MAP2K5: variants seen among roughly 807,000 people sequenced by gnomAD.
MAP2K5 encodes dual specificity mitogen-activated protein kinase kinase 5.
MAP2K5 carries 49 observed loss-of-function variants against 83.1 expected under a neutral mutation model. That is an observed-to-expected ratio of 0.59 (90% CI 0.47 to 0.75). The LOEUF (loss-of-function observed/expected upper bound fraction) is 0.75. MAP2K5 is among the 30% of genes least tolerant of loss of function. The pLI is 0.00. For missense variants in MAP2K5, 457 were observed against 557.5 expected, an observed-to-expected ratio of 0.82 and a Z score of 1.82; for synonymous variants, 202 against 191.8, an observed-to-expected ratio of 1.05 and a Z score of -0.44.
chr15:67,706,316 T>G (rs949826207), intron 16 of MAP2K5, among the ~76,000 whole-genome samples: 4 of 152,222 alleles, frequency 2.6e-5, no homozygotes, highest in African/African-American at 9.7e-5. Flanking sequence ...CTATTGAATA[T>G]TCTGTGGAGG....
At chr15:67,739,382 AG>A (rs1323393903) in intron 17 of MAP2K5, among the ~76,000 whole-genome samples, 2 of 141,624 alleles carry the variant, frequency 1.4e-5, no homozygotes, top group African/African-American at 5.2e-5. Flanking sequence ...TTTACAGTCA[AG>A]CCAGTAAGAC....
chr15:67,749,707 C>A lies in MAP2K5; in HGVS notation c.1134+1106C>A, dbSNP rs76489741. Among the ~76,000 whole-genome samples, 1 of 152,154 alleles carries A rather than the reference C, an allele frequency of 6.6e-6. No homozygotes were observed. Among genetic ancestry groups the A allele is most frequent in the Non-Finnish European group, 1.5e-5 (1 of 68,018 alleles). ...CATGTTGATGTAAAAATGAAGGCAT[C>A]GTCCTGAAACAAATGGAGGCTCCAT... On this transcript the variant is annotated intron_variant, in intron 19 of 21. Coordinates refer to ENST00000178640, the MANE Select transcript of MAP2K5 (RefSeq NM_145160.3). The surrounding 1 kb of genome is among the most constrained non-coding windows in gnomAD (Gnocchi z 4.6).
At chr15:67,600,497 T>G (rs1156676845) in intron 7 of MAP2K5, among the ~76,000 whole-genome samples, 188 bp from the exon 8 acceptor site, 1 of 152,208 alleles carries the variant, frequency 6.6e-6, no homozygotes, top group Non-Finnish European at 1.5e-5. Context: ...CATTAAACTT[T>G]CCATCACTTC....
intron 13 of MAP2K5, among the ~76,000 whole-genome samples, chr15:67,675,500 G>A (rs2087654955): frequency 6.6e-6 from 1 of 152,144 alleles, no homozygotes; most frequent in Admixed American, 6.5e-5. Context: ...CATGGTGATG[G>A]AAATGTTCTC....
chr15:67,764,970 C>T lies in MAP2K5; in HGVS notation c.1135-4632C>T, dbSNP rs185007843. 3.1e-4 allele frequency among the ~76,000 whole-genome samples: 47 copies of T among 152,230 alleles called. No homozygotes were observed. The highest frequency in any genetic ancestry group is 9.6e-4 in the African/African-American group (40 of 41,534). ...TTTCTTTTTAAACTTTCTATTTTGA[C>T]GTAATTTTTAGATTTACATACAGTT... On this transcript the variant is annotated intron_variant, in intron 19 of 21. Coordinates refer to ENST00000178640, the MANE Select transcript of MAP2K5 (RefSeq NM_145160.3). This position sits in a 1 kb window ranked among gnomAD's most constrained non-coding sequence, Gnocchi z 4.9.
At chr15:67,658,917 T>G (rs2087161625) in intron 12 of MAP2K5, 1 of 456,188 alleles carries the variant, frequency 2.2e-6, no homozygotes, top group South Asian at 1.7e-5. Context: ...TTTTGTTTTG[T>G]TTTTACATTT....
At chr15:67,680,873 A>G (rs1266006142) in intron 13 of MAP2K5, among the ~76,000 whole-genome samples, 1 of 152,166 alleles carries the variant, frequency 6.6e-6, no homozygotes. Flanking sequence ...CCAGCTGAAC[A>G]CACTTGCTAC....
At chr15:67,805,786 T>C (rs1360046236) in intron 21 of MAP2K5, among the ~76,000 whole-genome samples, 2 of 152,212 alleles carry the variant, frequency 1.3e-5, no homozygotes, top group African/African-American at 4.8e-5. Flanking sequence ...AGAAGCCACT[T>C]GGTGAAGAGG....
At chr15:67,772,678 C>T in intron 20 of MAP2K5, 29 bp from the exon 21 acceptor site, 1 of 1,496,450 alleles carries the variant, frequency 6.7e-7, no homozygotes, top group Non-Finnish European at 9.0e-7. Flanking sequence ...ACACAGATAA[C>T]ATAAGGGGTT....
intron 13 of MAP2K5, among the ~76,000 whole-genome samples, chr15:67,671,139 C>T (rs748793411): frequency 6.6e-6 from 1 of 152,160 alleles, no homozygotes; most frequent in Non-Finnish European, 1.5e-5. Flanking sequence ...ACTCAGATTT[C>T]TTCAAGAGCT....
In MAP2K5 at chr15:67,777,486, A is replaced by G. The variant is rs1394842593; in HGVS notation, c.1242+4734A>G. 6.6e-6 allele frequency among the ~76,000 whole-genome samples: 1 copy of G among 152,162 alleles called. No homozygotes were observed. Among genetic ancestry groups the G allele is most frequent in the Non-Finnish European group, 1.5e-5 (1 of 68,024 alleles). ...TAGGCCACTTTATTATCTCATGCTG[A>G]TCTGATTCCCATTCTCCCCCTCCTT... On this transcript the variant is annotated intron_variant, in intron 21 of 21. Coordinates refer to ENST00000178640, the MANE Select transcript of MAP2K5 (RefSeq NM_145160.3). This position sits in a 1 kb window ranked among gnomAD's most constrained non-coding sequence, Gnocchi z 6.0.
intron 17 of MAP2K5, among the ~76,000 whole-genome samples, chr15:67,733,175 A>G (rs939701158): frequency 2.0e-5 from 3 of 152,308 alleles, no homozygotes; most frequent in African/African-American, 4.8e-5. Context: ...GGAGTTTTTT[A>G]TGGTTCACTC....
chr15:67,619,954 C>A (rs1289646729), intron 8 of MAP2K5, among the ~76,000 whole-genome samples: 4 of 152,212 alleles, frequency 2.6e-5, no homozygotes, highest in African/African-American at 9.6e-5. Context: ...CCTGTAGACT[C>A]AACTACTCAG....
intron 7 of MAP2K5, among the ~76,000 whole-genome samples, chr15:67,595,066 A>G (rs1047387015): frequency 4.6e-5 from 7 of 152,228 alleles, no homozygotes; most frequent in African/African-American, 1.4e-4. Flanking sequence ...GCTCTCAAGC[A>G]TTAATAATGA....
Position 67,543,322 on chromosome 15 carries a change from C to T in MAP2K5, c.-14C>T, listed in dbSNP as rs1205702302. On this transcript the variant is annotated 5_prime_UTR_variant, in exon 1 of 22. Coordinates refer to ENST00000178640, the MANE Select transcript of MAP2K5 (RefSeq NM_145160.3). This position sits in a 1 kb window ranked among gnomAD's most constrained non-coding sequence, Gnocchi z 4.3. The stretch of plus-strand genomic sequence containing the variant: ...GTTTCCCATACCCCAGGATGTGAGC[C>T]TCTTTAACCTGTAATGCTGTGGCTA... The T allele has an allele frequency of 3.1e-6, 5 of 1,614,038 alleles. No individual in the cohort carries two copies. The highest frequency in any genetic ancestry group is 1.3e-5 in the African/African-American group (1 of 74,930).
Position 67,710,324 on chromosome 15 carries a change from C to T in MAP2K5, c.1044+6916C>T, listed in dbSNP as rs192274839. 3.1e-3 allele frequency among the ~76,000 whole-genome samples: 465 copies of T among 152,180 alleles called. 1 individual carries two copies. Among genetic ancestry groups the T allele is most frequent in the African/African-American group, 0.011 (441 of 41,512 alleles). ...GTTAATTGGTGCGTCATCTAGTCCTCGGAGACCCCTCTTCATCATGACCAG... is the reference window on the plus strand; with the variant it reads ...GTTAATTGGTGCGTCATCTAGTCCTTGGAGACCCCTCTTCATCATGACCAG... On this transcript the variant is annotated intron_variant, in intron 16 of 21. Coordinates refer to ENST00000178640, the MANE Select transcript of MAP2K5 (RefSeq NM_145160.3).
At chr15:67,549,544 C>G (rs2140943695) in intron 1 of MAP2K5, among the ~76,000 whole-genome samples, 1 of 152,266 alleles carries the variant, frequency 6.6e-6, no homozygotes, top group Admixed American at 6.5e-5. Flanking sequence ...TGTGCTAGGT[C>G]TAAGTTTATG....
chr15:67,769,845 C>T lies in MAP2K5; in HGVS notation c.1196+182C>T, dbSNP rs2090109126. Reference sequence around the variant, plus strand: ...GTTTAAATTATGTAAACGTTATTTACACAAAGGGTCATAAGCATACTTCAG... The same window carrying T: ...GTTTAAATTATGTAAACGTTATTTATACAAAGGGTCATAAGCATACTTCAG... On this transcript the variant is annotated intron_variant, in intron 20 of 21. Coordinates refer to ENST00000178640, the MANE Select transcript of MAP2K5 (RefSeq NM_145160.3). This position sits in a 1 kb window ranked among gnomAD's most constrained non-coding sequence, Gnocchi z 5.2. 1 of 573,586 alleles carries T rather than the reference C, an allele frequency of 1.7e-6. No homozygotes were observed. The highest frequency in any genetic ancestry group is 3.1e-6 in the Non-Finnish European group (1 of 325,090). 35.5% of individuals were successfully genotyped at this position (573,586 alleles called of 1,614,324 possible).
Position 67,738,355 on chromosome 15 carries a change from G to A in MAP2K5, c.1075-9876G>A, listed in dbSNP as rs1382790965. On this transcript the variant is annotated intron_variant, in intron 17 of 21. Coordinates refer to ENST00000178640, the MANE Select transcript of MAP2K5 (RefSeq NM_145160.3). This position sits in a 1 kb window ranked among gnomAD's most constrained non-coding sequence, Gnocchi z 4.1. The stretch of plus-strand genomic sequence containing the variant: ...AATCAAAAGAAAGTTCCTGGCCAAA[G>A]GCCTCCTTCCAGGCCCTGCTCTTTG... Among the ~76,000 whole-genome samples, 1 of 151,916 alleles carries A rather than the reference G, an allele frequency of 6.6e-6. No homozygotes were observed. The highest frequency in any genetic ancestry group is 6.6e-5 in the Admixed American group (1 of 15,110).
Sources: allele counts gnomAD v4.1 joint callset (sites outside exome capture counted in the v4.1 genomes callset), GRCh38; gene constraint gnomAD v4.1.1; non-coding constraint Gnocchi (gnomAD v3.1); transcripts MANE v1.5; gene names NCBI Gene and HGNC (gene_info 2026-07-23, HGNC 2026-07-21).